FBXW7: variants seen among roughly 807,000 people sequenced by gnomAD.
FBXW7 encodes F-box/WD repeat-containing protein 7.
In FBXW7, 11 loss-of-function variants were observed where a neutral mutation model predicts 86.3. The observed-to-expected ratio is 0.13, with a 90% CI of 0.08 to 0.21. FBXW7 has a LOEUF of 0.21. FBXW7 is among the 10% of genes least tolerant of loss of function. The pLI, the probability that FBXW7 is intolerant of heterozygous loss-of-function variation, is 1.00. For synonymous variants in FBXW7, 313 were observed against 297.9 expected (o/e 1.05, Z -0.52); for missense variants, 488 against 847.4 (o/e 0.58, Z 5.27).
chr4:152,479,696 C>A (rs1230142101), intron 2 of FBXW7, among the ~76,000 whole-genome samples: 1 of 152,088 alleles, frequency 6.6e-6, no homozygotes, highest in African/African-American at 2.4e-5. Context: ...TACATCATTC[C>A]GCATTATATC....
intron 2 of FBXW7, among the ~76,000 whole-genome samples, chr4:152,476,845 G>A (rs972590418): frequency 2.6e-5 from 4 of 152,064 alleles, no homozygotes; most frequent in African/African-American, 9.7e-5. Context: ...ATCCTTTTGA[G>A]GATACTTTTA....
At chr4:152,360,690 A>C (rs1289934683) in intron 4 of FBXW7, among the ~76,000 whole-genome samples, 1 of 152,150 alleles carries the variant, frequency 6.6e-6, no homozygotes, top group African/African-American at 2.4e-5. Flanking sequence ...TGACTATGGA[A>C]GGGTGACTGT....
intron 6 of FBXW7, among the ~76,000 whole-genome samples, chr4:152,340,960 C>T (rs1226830519): frequency 2.0e-5 from 3 of 152,176 alleles, no homozygotes; most frequent in Non-Finnish European, 2.9e-5. Context: ...CTCTCTTTCA[C>T]CATCAGATGC....
At chr4:152,381,315 T>C (rs1735052003) in intron 4 of FBXW7, among the ~76,000 whole-genome samples, 1 of 152,096 alleles carries the variant, frequency 6.6e-6, no homozygotes, top group South Asian at 2.1e-4. Context: ...AATACAATTA[T>C]GTGTCAATTA....
intron 4 of FBXW7, among the ~76,000 whole-genome samples, chr4:152,402,899 T>G (rs1737074140): frequency 2.0e-5 from 3 of 152,106 alleles, no homozygotes; most frequent in Non-Finnish European, 4.4e-5. Flanking sequence ...CTAACATAAA[T>G]AACGTCTAAA....
chr4:152,392,516 C>T (rs982993549), intron 4 of FBXW7, among the ~76,000 whole-genome samples: 6 of 152,106 alleles, frequency 3.9e-5, no homozygotes, highest in African/African-American at 1.4e-4. Context: ...TCTAGACCCC[C>T]ACTTTTGCAC....
At chr4:152,491,089 T>C (rs1208936757) in intron 2 of FBXW7, among the ~76,000 whole-genome samples, 1 of 152,172 alleles carries the variant, frequency 6.6e-6, no homozygotes, top group Admixed American at 6.6e-5. Context: ...GAGAACCAAC[T>C]GACAGGACTT....
At position 152,394,081 on chromosome 4, in the gene FBXW7, C is replaced by T. The variant is rs949067044; in HGVS notation, c.501+17222G>A. ...AGCTAGAAGTTACCCTAATAATTTA[C>T]GAAGTGTTCTCTAAAATGTATCCTA... On this transcript the variant is annotated intron_variant, in intron 4 of 13. Transcript: ENST00000281708. 8.5e-5 allele frequency among the ~76,000 whole-genome samples: 13 copies of T among 152,176 alleles called. No homozygotes were observed. In the East Asian group the frequency reaches 1.7e-3, roughly 20 times the overall value.
At chr4:152,533,291 CTA>C (rs1366760065) in intron 2 of FBXW7, among the ~76,000 whole-genome samples, 3 of 152,076 alleles carry the variant, frequency 2.0e-5, no homozygotes, top group Non-Finnish European at 2.9e-5. Flanking sequence ...TACATTCAAA[CTA>C]TAGTTTGTTT....
At chr4:152,443,849 G>A (rs745986944) in intron 2 of FBXW7, among the ~76,000 whole-genome samples, 1 of 152,118 alleles carries the variant, frequency 6.6e-6, no homozygotes, top group South Asian at 2.1e-4. Context: ...ACTGTTCCCT[G>A]TTTTATTAAT....
intron 4 of FBXW7, chr4:152,352,533 T>C (rs1731915446): frequency 6.2e-7 from 1 of 1,613,896 alleles, no homozygotes; most frequent in Non-Finnish European, 8.5e-7. Context: ...TCCCCTTCAG[T>C]GATTCTGTGC....
rs544868616 is a variant in FBXW7 at position 152,533,565 on chromosome 4, T to C, written c.-120+1376A>G. 2.0e-4 allele frequency among the ~76,000 whole-genome samples: 30 copies of C among 152,224 alleles called. No individual in the cohort carries two copies. The South Asian group carries it at 5.6e-3, about 28-fold the overall frequency. On this transcript the variant is annotated intron_variant, in intron 2 of 13. Transcript: ENST00000281708. ...GGAGAAGTTCCAGAGGAGGGAAAAG[T>C]GGTCAAATGAAAGACATTATTCTAA...
chr4:152,508,572 C>G (rs1747649262), intron 2 of FBXW7, among the ~76,000 whole-genome samples: 1 of 151,148 alleles, frequency 6.6e-6, no homozygotes, highest in African/African-American at 2.4e-5. Flanking sequence ...ACCTGCAGTC[C>G]CAGCTACTTA....
intron 4 of FBXW7, among the ~76,000 whole-genome samples, chr4:152,404,122 G>C (rs535930342): frequency 9.5e-4 from 144 of 152,276 alleles, no homozygotes; most frequent in African/African-American, 3.3e-3. Context: ...TATGAAATGG[G>C]GGGTTGGGAA....
intron 4 of FBXW7, among the ~76,000 whole-genome samples, chr4:152,353,731 C>T (rs1284262052): frequency 6.6e-6 from 1 of 152,090 alleles, no homozygotes; most frequent in Non-Finnish European, 1.5e-5. Flanking sequence ...CCAAAGTTTG[C>T]CAGAAGGCAA....
intron 2 of FBXW7, among the ~76,000 whole-genome samples, chr4:152,498,085 A>C (rs959188551): frequency 6.6e-6 from 1 of 152,222 alleles, no homozygotes; most frequent in African/African-American, 2.4e-5. Flanking sequence ...AAGGAAATCA[A>C]ACGAGGCAAA....
intron 9 of FBXW7, 68 bp downstream of exon 9, chr4:152,330,664 A>T (rs908040083): frequency 7.1e-7 from 1 of 1,400,640 alleles, no homozygotes; most frequent in Admixed American, 2.4e-5. Context: ...CAGTTTGCCA[A>T]GTGAAATAGT....
chr4:152,389,526 C>T (rs934665477), intron 4 of FBXW7, among the ~76,000 whole-genome samples: 11 of 151,942 alleles, frequency 7.2e-5, no homozygotes, highest in Admixed American at 3.9e-4. Flanking sequence ...TCAAATACCA[C>T]GTTTCACTTA....
At chr4:152,387,701 G>A (rs1233862822) in intron 4 of FBXW7, among the ~76,000 whole-genome samples, 3 of 128,426 alleles carry the variant, frequency 2.3e-5, no homozygotes, top group Middle Eastern at 3.9e-3. Flanking sequence ...AAAAAAACAT[G>A]GCATACCTTT....
Sources: gnomAD v4.1 joint callset for allele counts (sites outside exome capture counted in the v4.1 genomes callset) on GRCh38, gnomAD v4.1.1 for gene constraint, MANE v1.5 for transcripts, NCBI Gene and HGNC (gene_info 2026-07-23, HGNC 2026-07-21) for gene names.